IFNG-AS1: variants seen among roughly 807,000 people sequenced by gnomAD.
The protein encoded by IFNG-AS1 is IFNG regulatory antisense RNA 1.
At chr12:68,011,513 G>A (rs1880026775) in intron 3 of IFNG-AS1, among the ~76,000 whole-genome samples, 1 of 152,294 alleles carries the variant, frequency 6.6e-6, no homozygotes, top group African/African-American at 2.4e-5. Context: ...CAAAGAGCAT[G>A]AATAGAAAGA....
chr12:67,997,621 G>C (rs1168333612), intron 2 of IFNG-AS1, among the ~76,000 whole-genome samples: 1 of 149,464 alleles, frequency 6.7e-6, no homozygotes, highest in Non-Finnish European at 1.5e-5. Context: ...TCAAAATCCA[G>C]AGGCAATTAA....
chr12:68,014,441 C>T (rs980186897), intron 3 of IFNG-AS1, among the ~76,000 whole-genome samples: 1 of 152,140 alleles, frequency 6.6e-6, no homozygotes, highest in African/African-American at 2.4e-5. Flanking sequence ...GCATCCATGC[C>T]AACATCTACT....
intron 2 of IFNG-AS1, among the ~76,000 whole-genome samples, chr12:68,004,263 C>T (rs1273835973): frequency 1.3e-5 from 2 of 152,194 alleles, no homozygotes; most frequent in Non-Finnish European, 2.9e-5. Flanking sequence ...ATATTCAGTA[C>T]TAAAGTCTCT....
intron 2 of IFNG-AS1, among the ~76,000 whole-genome samples, chr12:67,998,424 A>G (rs1194715923): frequency 6.6e-6 from 1 of 151,692 alleles, no homozygotes; most frequent in Non-Finnish European, 1.5e-5. Flanking sequence ...GTCAACTTCT[A>G]TGAAAGAGAG....
intron 1 of IFNG-AS1, among the ~76,000 whole-genome samples, chr12:67,992,961 C>A (rs1326804013): frequency 6.6e-6 from 1 of 152,120 alleles, no homozygotes; most frequent in Non-Finnish European, 1.5e-5. Context: ...ATACTGCATG[C>A]AAAATTATAT....
At chr12:68,000,074 T>A (rs1879733128) in intron 2 of IFNG-AS1, among the ~76,000 whole-genome samples, 1 of 152,156 alleles carries the variant, frequency 6.6e-6, no homozygotes, top group Non-Finnish European at 1.5e-5. Flanking sequence ...AATTGGCAAA[T>A]GTTGAATAAG....
chr12:68,017,664 A>G (rs1880186708), intron 3 of IFNG-AS1, among the ~76,000 whole-genome samples: 1 of 152,188 alleles, frequency 6.6e-6, no homozygotes, highest in South Asian at 2.1e-4. Context: ...GGGGAATATA[A>G]TATAATCTTT....
chr12:68,003,775 C>T (rs1490943409), intron 2 of IFNG-AS1, among the ~76,000 whole-genome samples: 3 of 152,054 alleles, frequency 2.0e-5, no homozygotes, highest in South Asian at 2.1e-4. Context: ...GGCATGGTAG[C>T]GGGTGTCTGT....
chr12:68,018,615 T>A (rs1880209300), intron 3 of IFNG-AS1, among the ~76,000 whole-genome samples: 1 of 151,824 alleles, frequency 6.6e-6, no homozygotes, highest in African/African-American at 2.4e-5. Context: ...AGGAGGAAGG[T>A]GGGGTGGGGA....
intron 3 of IFNG-AS1, among the ~76,000 whole-genome samples, chr12:68,016,550 G>T (rs1880160641): frequency 6.6e-6 from 1 of 152,138 alleles, no homozygotes; most frequent in African/African-American, 2.4e-5. Context: ...CAAACATGGA[G>T]ATTACAGAAC....
intron 1 of IFNG-AS1, among the ~76,000 whole-genome samples, chr12:67,993,606 T>C (rs1879566130): frequency 6.6e-6 from 1 of 152,234 alleles, no homozygotes; most frequent in South Asian, 2.1e-4. Flanking sequence ...TCATGAATTA[T>C]TAAACACTTA....
chr12:68,013,191 A>C (rs763872184), intron 3 of IFNG-AS1, among the ~76,000 whole-genome samples: 1 of 152,238 alleles, frequency 6.6e-6, no homozygotes, highest in Non-Finnish European at 1.5e-5. Flanking sequence ...TTTAGCACTT[A>C]GGCAAACATT....
chr12:68,018,710 G>GT (rs1475151326), intron 3 of IFNG-AS1, among the ~76,000 whole-genome samples: 2 of 151,986 alleles, frequency 1.3e-5, no homozygotes, highest in Non-Finnish European at 2.9e-5. Flanking sequence ...TGTATGTGCT[G>GT]TATTAACAGG....
chr12:68,000,643 G>A (rs1879746712), intron 2 of IFNG-AS1, among the ~76,000 whole-genome samples: 1 of 152,050 alleles, frequency 6.6e-6, no homozygotes, highest in Admixed American at 6.6e-5. Flanking sequence ...ACGCACTCCA[G>A]ACTAGGCCAC....
At chr12:67,994,179 C>T (rs999969052) in intron 1 of IFNG-AS1, among the ~76,000 whole-genome samples, 17 of 152,230 alleles carry the variant, frequency 1.1e-4, no homozygotes, top group Non-Finnish European at 1.5e-4. Context: ...CTAAAGAACT[C>T]AGTTGCACCT....
chr12:68,012,141 T>C (rs1431078510), intron 3 of IFNG-AS1, among the ~76,000 whole-genome samples: 1 of 152,218 alleles, frequency 6.6e-6, no homozygotes, highest in Non-Finnish European at 1.5e-5. Context: ...CCCTAGTTAC[T>C]AGATTGCGGT....
intron 1 of IFNG-AS1, among the ~76,000 whole-genome samples, chr12:67,994,799 C>T (rs145059308): frequency 0.021 from 3,126 of 152,216 alleles, 39 homozygotes; most frequent in Non-Finnish European, 0.032. Flanking sequence ...AGTGATCCAC[C>T]GCAGATTTAA....
intron 2 of IFNG-AS1, among the ~76,000 whole-genome samples, chr12:67,999,656 T>C (rs28890188): frequency 0.011 from 1,734 of 152,028 alleles, 38 homozygotes; most frequent in African/African-American, 0.039. Flanking sequence ...AACTAGCAAA[T>C]GGGAGAGAAG....
At chr12:68,000,794 ATTG>A (rs1879749994) in intron 2 of IFNG-AS1, among the ~76,000 whole-genome samples, 1 of 152,198 alleles carries the variant, frequency 6.6e-6, no homozygotes, top group East Asian at 1.9e-4. Context: ...TTTTTCTGCT[ATTG>A]TTCATATTTT....
Sources: gnomAD v4.1 joint callset for allele counts (sites outside exome capture counted in the v4.1 genomes callset) on GRCh38, gnomAD v4.1.1 for gene constraint, MANE v1.5 for transcripts, NCBI Gene and HGNC (gene_info 2026-07-23, HGNC 2026-07-21) for gene names.